ADCY1: variants seen among roughly 807,000 people sequenced by gnomAD.
ADCY1 encodes the protein adenylate cyclase 1.
A neutral mutation model predicts 105.4 loss-of-function variants in ADCY1; 28 were observed. That is an observed-to-expected ratio of 0.27 (90% CI 0.20 to 0.36). The LOEUF (loss-of-function observed/expected upper bound fraction) is 0.36. Among genes scored for constraint, ADCY1 ranks in the 10% least tolerant of loss-of-function variants. The probability of loss-of-function intolerance (pLI) is 1.00; values close to 1 mark genes in which losing one functional copy is unlikely to be tolerated. For synonymous variants in ADCY1, 655 were observed against 623.8 expected, an observed-to-expected ratio of 1.05 and a Z score of -0.75; for missense variants, 977 against 1,434.2, an observed-to-expected ratio of 0.68 and a Z score of 5.15.
At chr7:45,581,509 C>T (rs569987185) in intron 1 of ADCY1, among the ~76,000 whole-genome samples, 1 of 152,274 alleles carries the variant, frequency 6.6e-6, no homozygotes, top group African/African-American at 2.4e-5. Context: ...GCCATGTGTC[C>T]GCAGTGGAGG....
At chr7:45,625,248 T>C (rs1454776124) in intron 4 of ADCY1, among the ~76,000 whole-genome samples, 1 of 152,214 alleles carries the variant, frequency 6.6e-6, no homozygotes, top group African/African-American at 2.4e-5. Context: ...TGTCATCTCA[T>C]GTTTCCATGT....
chr7:45,624,598 G>A (rs1262256323), intron 4 of ADCY1, among the ~76,000 whole-genome samples: 1 of 152,122 alleles, frequency 6.6e-6, no homozygotes, highest in East Asian at 1.9e-4. Flanking sequence ...GATAGCCTGG[G>A]CCAAAGTTCC....
intron 4 of ADCY1, among the ~76,000 whole-genome samples, chr7:45,640,072 G>C (rs1794495505): frequency 6.6e-6 from 1 of 152,204 alleles, no homozygotes; most frequent in South Asian, 2.1e-4. Context: ...CCGGGTTTAA[G>C]AATCCTCCTA....
chr7:45,662,088 A>G lies in ADCY1; in HGVS notation c.1479A>G (p.Ile493Met), dbSNP rs771615311. ...KIFPGLILSD[I>M]KPAKRMKFKT... ...TTCCAGGCCTGATTCTCTCAGATAT[A>G]AAACCGGCCAAAAGGATGAAGTTCA... The change falls in exon 8 of 20, where the codon ATA (isoleucine) becomes ATG (methionine). Residue 493 changes from isoleucine (I) to methionine (M), a missense_variant. By Grantham distance (10) the Ile-to-Met change is conservative (BLOSUM62 1). Transcript: ENST00000297323. The G allele has an allele frequency of 1.2e-6, 2 of 1,614,104 alleles. No individual in the cohort carries two copies. The highest frequency in any genetic ancestry group is 1.1e-5 in the South Asian group (1 of 91,070).
chr7:45,653,099 T>C (rs1794853516), intron 5 of ADCY1, among the ~76,000 whole-genome samples: 1 of 152,214 alleles, frequency 6.6e-6, no homozygotes, highest in Non-Finnish European at 1.5e-5. Context: ...ACATTCCCTG[T>C]TTGGGCCAGG....
chr7:45,624,876 A>T (rs1280800320), intron 4 of ADCY1, among the ~76,000 whole-genome samples: 2 of 151,754 alleles, frequency 1.3e-5, no homozygotes, highest in Non-Finnish European at 2.9e-5. Context: ...TGGGCCCTCC[A>T]CTCCTAGCAT....
chr7:45,644,274 G>A (rs1293302164), intron 4 of ADCY1, among the ~76,000 whole-genome samples: 3 of 152,176 alleles, frequency 2.0e-5, no homozygotes, highest in Non-Finnish European at 2.9e-5. Flanking sequence ...TCTGGAATTG[G>A]CAGTGGATCT....
At position 45,710,669 on chromosome 7, in the gene ADCY1, AC is replaced by A. The variant is rs1353424174; in HGVS notation, c.3057+21del. 5.0e-6 allele frequency: 8 copies of A among 1,604,216 alleles called. No homozygotes were observed. The highest frequency in any genetic ancestry group is 6.8e-6 in the Non-Finnish European group (8 of 1,175,738). On this transcript the variant is annotated intron_variant, in intron 19 of 19. Coordinates refer to ENST00000297323, the MANE Select transcript of ADCY1 (RefSeq NM_021116.4). This position sits in a 1 kb window ranked among gnomAD's most constrained non-coding sequence, Gnocchi z 4.7. ...AGAATCCAGGTCAGTTCACCAAGAA[AC>A]CCCTAAGGCATGGGTGCCCATTCTT...
chr7:45,722,851 T>TTC lies in ADCY1; in HGVS notation c.*8859_*8860dup, dbSNP rs1183468105. On this transcript the variant is annotated 3_prime_UTR_variant, in exon 20 of 20. Transcript: ENST00000297323. ...CAATAACTCACTCTCACTGGGTAAC[T>TTC]TCTCATGATAGATTTGTATGATCAA... is the stretch of plus-strand genomic sequence containing the variant. The TTC allele has an allele frequency of 6.5e-6, 1 of 152,786 alleles. No homozygotes were observed. Among genetic ancestry groups the TTC allele is most frequent in the Non-Finnish European group, 1.5e-5 (1 of 68,036 alleles). 9.5% of individuals were successfully genotyped at this position (152,786 alleles called of 1,614,324 possible).
At chr7:45,688,327 G>T (rs1381769984) in intron 14 of ADCY1, among the ~76,000 whole-genome samples, 2 of 152,242 alleles carry the variant, frequency 1.3e-5, no homozygotes. Flanking sequence ...CACGGGCCTT[G>T]TGCAAAGTAG....
At chr7:45,688,010 A>T (rs543023628) in intron 14 of ADCY1, among the ~76,000 whole-genome samples, 1 of 152,366 alleles carries the variant, frequency 6.6e-6, no homozygotes, top group Admixed American at 6.5e-5. Flanking sequence ...TCACTGTGGA[A>T]GCAGGACCAG....
intron 1 of ADCY1, among the ~76,000 whole-genome samples, chr7:45,576,910 G>A (rs750892273): frequency 6.6e-6 from 1 of 152,130 alleles, no homozygotes; most frequent in African/African-American, 2.4e-5. Flanking sequence ...AAAAGGCTGC[G>A]TTATTGTCTT....
intron 14 of ADCY1, among the ~76,000 whole-genome samples, chr7:45,691,485 A>G (rs1349700487): frequency 1.3e-5 from 2 of 152,248 alleles, no homozygotes; most frequent in African/African-American, 4.8e-5. Context: ...GCCAAACACT[A>G]GGTAGGTTAA....
At chr7:45,629,643 C>T (rs1371086951) in intron 4 of ADCY1, among the ~76,000 whole-genome samples, 4 of 152,124 alleles carry the variant, frequency 2.6e-5, no homozygotes, top group Non-Finnish European at 5.9e-5. Flanking sequence ...CTTAGCCTCC[C>T]TAGTAGCTGG....
At chr7:45,676,948 T>G (rs897863588) in intron 8 of ADCY1, among the ~76,000 whole-genome samples, 3 of 151,854 alleles carry the variant, frequency 2.0e-5, no homozygotes, top group African/African-American at 7.3e-5. Context: ...ACAACAGGCT[T>G]TTTTGTAGGG....
In ADCY1 at chr7:45,609,841, T is replaced by C. The variant is rs567024823; in HGVS notation, c.790-538T>C. Among the ~76,000 whole-genome samples the C allele has an allele frequency of 2.9e-3, 446 of 152,294 alleles. 2 individuals are homozygous for C. The highest frequency in any genetic ancestry group is 4.7e-3 in the Non-Finnish European group (323 of 68,014). Reference sequence around the variant, plus strand: ...TTATTTTGAAAAATCCAAACATTTATTCTTTTCTCTTGGGGGAAAAAAGAA... The same window carrying C: ...TTATTTTGAAAAATCCAAACATTTACTCTTTTCTCTTGGGGGAAAAAAGAA... On this transcript the variant is annotated intron_variant, in intron 2 of 19. Coordinates refer to ENST00000297323, the MANE Select transcript of ADCY1 (RefSeq NM_021116.4).
chr7:45,659,206 A>G (rs904468364), intron 6 of ADCY1, among the ~76,000 whole-genome samples: 14 of 152,330 alleles, frequency 9.2e-5, no homozygotes, highest in Admixed American at 2.6e-4. Flanking sequence ...TCAGGATCCC[A>G]GTGAGCATGG....
In ADCY1 at chr7:45,660,495, G is replaced by A. The variant is rs115219728; in HGVS notation, c.1449+312G>A. 4.8e-3 allele frequency among the ~76,000 whole-genome samples: 726 copies of A among 152,334 alleles called. 11 individuals are homozygous for A. The highest frequency in any genetic ancestry group is 0.017 in the African/African-American group (689 of 41,596). ...CCCTGCAAAGTGGGCATGAAACCCC[G>A]CAGGGGGGCCAGGGATGGGGAGCTC... On this transcript the variant is annotated intron_variant, in intron 7 of 19. Transcript: ENST00000297323.
chr7:45,678,686 C>A (rs1251515165), intron 10 of ADCY1, among the ~76,000 whole-genome samples: 2 of 149,328 alleles, frequency 1.3e-5, no homozygotes, highest in Non-Finnish European at 3.0e-5. Context: ...TCAAGACCAG[C>A]CTGAGCAATA....
Sources: allele counts gnomAD v4.1 joint callset (sites outside exome capture counted in the v4.1 genomes callset), GRCh38; gene constraint gnomAD v4.1.1; non-coding constraint Gnocchi (gnomAD v3.1); transcripts MANE v1.5; gene names NCBI Gene and HGNC (gene_info 2026-07-23, HGNC 2026-07-21).